Variants in EFCAB11 observed in about 807,000 individuals in gnomAD.
The protein encoded by EFCAB11 is EF-hand calcium binding domain 11, also known as EF-hand calcium-binding domain-containing protein 11.
In EFCAB11, 14 loss-of-function variants were observed where a neutral mutation model predicts 23.0. The observed-to-expected ratio is 0.61, with a 90% CI of 0.40 to 0.95. EFCAB11 has a LOEUF of 0.95. Among genes scored for constraint, EFCAB11 ranks in the 40% least tolerant of loss-of-function variants. The pLI, the probability that EFCAB11 is intolerant of heterozygous loss-of-function variation, is 0.00. For missense variants in EFCAB11, 198 were observed against 195.8 expected (o/e 1.01, Z -0.07); for synonymous variants, 65 against 66.6 (o/e 0.98, Z 0.11).
At chr14:89,898,922 C>G (rs894983805) in intron 5 of EFCAB11, among the ~76,000 whole-genome samples, 3 of 152,076 alleles carry the variant, frequency 2.0e-5, no homozygotes, top group Non-Finnish European at 4.4e-5. Flanking sequence ...CATCCTCCCA[C>G]CTCGGACTCC....
chr14:89,913,345 C>T (rs1023289170), intron 5 of EFCAB11, among the ~76,000 whole-genome samples: 89 of 152,148 alleles, frequency 5.8e-4, no homozygotes, highest in African/African-American at 2.1e-3. Flanking sequence ...CTGAAAATGG[C>T]TCATTGTATA....
chr14:89,932,671 CCTCTTT>C, intron 3 of EFCAB11, 44 bp from the exon 4 acceptor site: 1 of 1,455,032 alleles, frequency 6.9e-7, no homozygotes, highest in Non-Finnish European at 9.6e-7. Context: ...TTATTGTCTT[CCTCTTT>C]AAGAAAAAAT....
intron 5 of EFCAB11, among the ~76,000 whole-genome samples, chr14:89,809,505 T>C (rs1886081796): frequency 6.6e-6 from 1 of 152,218 alleles, no homozygotes; most frequent in African/African-American, 2.4e-5. Context: ...CGCTCATCAT[T>C]AAAGACATTA....
At chr14:89,872,723 T>C (rs1888319792) in intron 5 of EFCAB11, among the ~76,000 whole-genome samples, 1 of 152,054 alleles carries the variant, frequency 6.6e-6, no homozygotes, top group African/African-American at 2.4e-5. Flanking sequence ...TACATTTAAG[T>C]GAAGTCATGC....
intron 5 of EFCAB11, among the ~76,000 whole-genome samples, chr14:89,828,428 G>C (rs909149421): frequency 6.6e-6 from 1 of 152,098 alleles, no homozygotes; most frequent in African/African-American, 2.4e-5. Context: ...ATACTTTTCT[G>C]AGTATGACAG....
At chr14:89,809,914 A>G (rs74082111) in intron 5 of EFCAB11, among the ~76,000 whole-genome samples, 4,244 of 152,330 alleles carry the variant, frequency 0.028, 205 homozygotes, top group African/African-American at 0.095. Flanking sequence ...AAACAGGTAT[A>G]TTAACCCTAC....
chr14:89,921,857 T>C (rs1890030177), intron 5 of EFCAB11, among the ~76,000 whole-genome samples: 1 of 152,212 alleles, frequency 6.6e-6, no homozygotes, highest in Non-Finnish European at 1.5e-5. Flanking sequence ...AAGTATCTCA[T>C]AAAATGTGTA....
At chr14:89,844,845 G>A (rs866954572) in intron 5 of EFCAB11, among the ~76,000 whole-genome samples, 20 of 152,318 alleles carry the variant, frequency 1.3e-4, no homozygotes, top group African/African-American at 4.8e-4. Context: ...CAGGCCCCAT[G>A]ATCAGGAGTA....
chr14:89,880,943 T>C (rs1443571267), intron 5 of EFCAB11, among the ~76,000 whole-genome samples: 1 of 152,032 alleles, frequency 6.6e-6, no homozygotes, highest in East Asian at 1.9e-4. Flanking sequence ...ATCTTCCCCA[T>C]CTATAAAATG....
At chr14:89,823,114 C>G (rs1050522403) in intron 5 of EFCAB11, among the ~76,000 whole-genome samples, 7 of 152,054 alleles carry the variant, frequency 4.6e-5, no homozygotes, top group African/African-American at 1.7e-4. Context: ...AACCTGTGAG[C>G]ACAGAACTTT....
At chr14:89,888,418 T>TGA (rs1888859806) in intron 5 of EFCAB11, among the ~76,000 whole-genome samples, 1 of 152,246 alleles carries the variant, frequency 6.6e-6, no homozygotes, top group Non-Finnish European at 1.5e-5. Context: ...CGTTGGCATC[T>TGA]GCTTGGCTTC....
intron 5 of EFCAB11, chr14:89,837,056 A>G (rs1358728552): frequency 4.4e-6 from 2 of 456,686 alleles, no homozygotes; most frequent in South Asian, 1.5e-5. Flanking sequence ...TGCCTGAATG[A>G]TGGAGTCAGC....
At chr14:89,820,847 T>A (rs1016241045) in intron 5 of EFCAB11, among the ~76,000 whole-genome samples, 4 of 151,906 alleles carry the variant, frequency 2.6e-5, no homozygotes, top group Admixed American at 6.6e-5. Flanking sequence ...AGTCTAGACA[T>A]TGCTATGAAG....
rs77599171 is a variant in EFCAB11 at position 89,919,690 on chromosome 14, C to T, written c.410+11851G>A. Among the ~76,000 whole-genome samples the T allele has an allele frequency of 1.1e-4, 17 of 152,254 alleles. No homozygotes were observed. The East Asian group carries it at 3.3e-3, about 29-fold the overall frequency. ...GTATTAGTATTAGTACTTGTTCTGC[C>T]TTTCCTGGGGCTGGCTTAGGAAATG... On this transcript the variant is annotated intron_variant, in intron 5 of 5. Coordinates refer to ENST00000316738, the MANE Select transcript of EFCAB11 (RefSeq NM_145231.4).
chr14:89,797,481 A>T (rs1344852593), intron 5 of EFCAB11, among the ~76,000 whole-genome samples, 157 bp from the exon 6 acceptor site: 1 of 152,184 alleles, frequency 6.6e-6, no homozygotes, highest in East Asian at 1.9e-4. Context: ...TTTCATTGAT[A>T]ATAAAGGTTT....
chr14:89,924,562 A>C (rs1890128585), intron 5 of EFCAB11: 1 of 1,526,580 alleles, frequency 6.6e-7, no homozygotes, highest in Admixed American at 2.0e-5. Flanking sequence ...ATATCCATGC[A>C]GAGAAAAATG....
At chr14:89,873,917 T>A (rs1888357620) in intron 5 of EFCAB11, among the ~76,000 whole-genome samples, 1 of 152,198 alleles carries the variant, frequency 6.6e-6, no homozygotes, top group South Asian at 2.1e-4. Context: ...AGTTGGTCTA[T>A]CATTCTGGGG....
intron 5 of EFCAB11, among the ~76,000 whole-genome samples, chr14:89,850,559 C>T (rs1442855754): frequency 6.6e-6 from 1 of 152,154 alleles, no homozygotes; most frequent in Non-Finnish European, 1.5e-5. Flanking sequence ...TTAACATTGC[C>T]TGGATGAACT....
At chr14:89,803,685 G>C (rs1169887359) in intron 5 of EFCAB11, among the ~76,000 whole-genome samples, 19 of 152,182 alleles carry the variant, frequency 1.2e-4, no homozygotes. Context: ...CATACTGACT[G>C]AACAGTGAAA....
Sources: gnomAD v4.1 joint callset for allele counts (sites outside exome capture counted in the v4.1 genomes callset) on GRCh38, gnomAD v4.1.1 for gene constraint, MANE v1.5 for transcripts, NCBI Gene and HGNC (gene_info 2026-07-23, HGNC 2026-07-21) for gene names.